The following CMSS1 variants were observed in gnomAD, a reference collection of about 807,000 sequenced individuals.
CMSS1 encodes protein CMSS1.
CMSS1 carries 33 observed loss-of-function variants against 43.5 expected under a neutral mutation model. The ratio of observed to expected loss-of-function variants is 0.76; its 90% confidence interval spans 0.57 to 1.01. The LOEUF (loss-of-function observed/expected upper bound fraction) is 1.01. CMSS1 is among the 50% of genes least tolerant of loss of function. The pLI is 0.00. For synonymous variants in CMSS1, 115 were observed against 117.2 expected (o/e 0.98, Z 0.12); for missense variants, 313 against 326.4 (o/e 0.96, Z 0.32).
At chr3:99,987,440 ACT>A (rs1709375574) in intron 1 of CMSS1, among the ~76,000 whole-genome samples, 1 of 144,538 alleles carries the variant, frequency 6.9e-6, no homozygotes. Flanking sequence ...GAGACAGGAG[ACT>A]CTCTTGAACC....
At chr3:100,003,447 A>G (rs1175739550) in intron 1 of CMSS1, among the ~76,000 whole-genome samples, 1 of 152,198 alleles carries the variant, frequency 6.6e-6, no homozygotes, top group Admixed American at 6.5e-5. Flanking sequence ...AGTGCCTACC[A>G]TGTGCAAGTG....
chr3:99,925,978 A>C lies in CMSS1; in HGVS notation c.64+107935A>C, dbSNP rs1707281476. On this transcript the variant is annotated intron_variant, in intron 1 of 9. Transcript: ENST00000421999. ...TTTTGCTAGTGATAAATTAATATCTATTAAGAACTTGGTTTTGAAAACACC... is the reference window on the plus strand; with the variant it reads ...TTTTGCTAGTGATAAATTAATATCTCTTAAGAACTTGGTTTTGAAAACACC... The C allele has an allele frequency of 4.5e-6, 3 of 672,050 alleles. No homozygotes were observed. The South Asian group carries it at 2.0e-4, about 44-fold the overall frequency. 41.6% of individuals were successfully genotyped at this position (672,050 alleles called of 1,614,324 possible).
chr3:100,042,022 A>G (rs1223313230), intron 1 of CMSS1, among the ~76,000 whole-genome samples: 2 of 152,158 alleles, frequency 1.3e-5, no homozygotes, highest in African/African-American at 4.8e-5. Context: ...TATTTCATAT[A>G]TGCCCCCTTC....
At chr3:100,054,743 T>A (rs1170354569) in intron 1 of CMSS1, among the ~76,000 whole-genome samples, 2 of 152,042 alleles carry the variant, frequency 1.3e-5, no homozygotes, top group Non-Finnish European at 2.9e-5. Flanking sequence ...ACCAATACCC[T>A]CAAGCCCTGG....
At chr3:99,942,507 A>G (rs572033280) in intron 1 of CMSS1, among the ~76,000 whole-genome samples, 110 of 152,348 alleles carry the variant, frequency 7.2e-4, no homozygotes, top group African/African-American at 2.3e-3. Flanking sequence ...AGAAAGCACT[A>G]GGCACATATT....
chr3:100,122,671 C>T (rs2066631829), intron 1 of CMSS1, among the ~76,000 whole-genome samples: 1 of 152,162 alleles, frequency 6.6e-6, no homozygotes, highest in Non-Finnish European at 1.5e-5. Context: ...AGGACTAACC[C>T]CTCTCCCCCT....
chr3:99,856,480 T>C (rs1943972528), intron 1 of CMSS1, among the ~76,000 whole-genome samples: 1 of 152,146 alleles, frequency 6.6e-6, no homozygotes, highest in Non-Finnish European at 1.5e-5. Flanking sequence ...ATTCAGTGAA[T>C]CCGCTCCAAT....
intron 1 of CMSS1, among the ~76,000 whole-genome samples, chr3:99,912,057 A>G (rs1706806682): frequency 6.6e-6 from 1 of 152,150 alleles, no homozygotes; most frequent in Non-Finnish European, 1.5e-5. Context: ...ACTTTATCTC[A>G]TGAGAAATCT....
At chr3:99,867,444 C>T (rs1437360934) in intron 1 of CMSS1, among the ~76,000 whole-genome samples, 1 of 152,142 alleles carries the variant, frequency 6.6e-6, no homozygotes, top group East Asian at 1.9e-4. Context: ...AAAGCTCTGG[C>T]TTCACTATTC....
rs1474143051 is a variant in CMSS1 at position 100,133,710 on chromosome 3, A to G, written c.65-13263A>G. On this transcript the variant is annotated intron_variant, in intron 1 of 9. Transcript: ENST00000421999. Reference sequence around the variant, plus strand: ...GTGGTTCTCGAAGATCAATCCAAACACAAATCATTATGTGAATACTTTTCG... The same window carrying G: ...GTGGTTCTCGAAGATCAATCCAAACGCAAATCATTATGTGAATACTTTTCG... Among the ~76,000 whole-genome samples, 4 of 152,180 alleles carry G rather than the reference A, an allele frequency of 2.6e-5. No homozygotes were observed. The East Asian group carries it at 5.8e-4, about 22-fold the overall frequency.
intron 1 of CMSS1, among the ~76,000 whole-genome samples, chr3:99,935,220 GA>G (rs1332896651): frequency 6.9e-6 from 1 of 145,214 alleles, no homozygotes. Context: ...CTAGGGTAAA[GA>G]AAAATTTTGT....
chr3:100,145,105 C>T (rs954832049), intron 1 of CMSS1, among the ~76,000 whole-genome samples: 8 of 152,124 alleles, frequency 5.3e-5, no homozygotes, highest in African/African-American at 1.2e-4. Flanking sequence ...TTTTTCACTA[C>T]CCTTTTGGGT....
intron 1 of CMSS1, among the ~76,000 whole-genome samples, chr3:99,864,171 G>A (rs1559665719): frequency 6.6e-6 from 1 of 152,170 alleles, no homozygotes; most frequent in Non-Finnish European, 1.5e-5. Flanking sequence ...CAGCTTGAGT[G>A]TTGTATATCT....
chr3:99,912,069 C>T (rs1407214070), intron 1 of CMSS1, among the ~76,000 whole-genome samples: 1 of 152,122 alleles, frequency 6.6e-6, no homozygotes, highest in Non-Finnish European at 1.5e-5. Flanking sequence ...GAGAAATCTA[C>T]ATTATCATCA....
chr3:100,172,100 G>A, intron 7 of CMSS1: 1 of 632,836 alleles, frequency 1.6e-6, no homozygotes, highest in Non-Finnish European at 2.8e-6. Context: ...GCCATGCTCT[G>A]TCCCTGTATA....
chr3:100,138,087 G>A (rs1441582342), intron 1 of CMSS1, among the ~76,000 whole-genome samples: 4 of 152,150 alleles, frequency 2.6e-5, no homozygotes, highest in African/African-American at 9.7e-5. Context: ...AACAAGCAAT[G>A]GGGAAATGAT....
intron 1 of CMSS1, chr3:99,851,191 A>T (rs964963290): frequency 7.8e-6 from 6 of 768,500 alleles, no homozygotes; most frequent in Non-Finnish European, 1.2e-5. Flanking sequence ...GTTCATATAC[A>T]ATATGCAAAA....
In CMSS1 at chr3:100,157,377, C is replaced by CT. The variant is rs544761333; in HGVS notation, c.154-3048dup. Among the ~76,000 whole-genome samples, 678 of 152,058 alleles carry CT rather than the reference C, an allele frequency of 4.5e-3. 2 individuals are homozygous for CT. The highest frequency in any genetic ancestry group is 6.2e-3 in the Non-Finnish European group (420 of 67,972). ...CCCACTTTTCTCTAGGTTCATTTTT[C>CT]TTTTTGTTATTTATTTGCTCTTGTG... On this transcript the variant is annotated intron_variant, in intron 2 of 9. Transcript: ENST00000421999.
chr3:99,927,192 T>C (rs965871958), intron 1 of CMSS1, among the ~76,000 whole-genome samples: 1 of 152,232 alleles, frequency 6.6e-6, no homozygotes, highest in African/African-American at 2.4e-5. Context: ...AAACTTTCCC[T>C]ATACATGAGC....
Sources: gnomAD v4.1 joint callset for allele counts (sites outside exome capture counted in the v4.1 genomes callset) on GRCh38, gnomAD v4.1.1 for gene constraint, MANE v1.5 for transcripts, NCBI Gene and HGNC (gene_info 2026-07-23, HGNC 2026-07-21) for gene names.